Variants in XKR4 observed in about 807,000 individuals in gnomAD.
XKR4 encodes XK-related protein 4.
Under a neutral mutation model 53.9 loss-of-function variants are expected in XKR4, and 12 were observed. That is an observed-to-expected ratio of 0.22 (90% CI 0.14 to 0.36). XKR4 has a LOEUF of 0.36. XKR4 is among the 10% of genes least tolerant of loss of function. The pLI is 1.00. For synonymous variants in XKR4, 354 were observed against 362.4 expected, an observed-to-expected ratio of 0.98 and a Z score of 0.26; for missense variants, 799 against 859.5, an observed-to-expected ratio of 0.93 and a Z score of 0.88.
chr8:55,189,080 A>G (rs569325116), intron 1 of XKR4, among the ~76,000 whole-genome samples: 1 of 152,280 alleles, frequency 6.6e-6, no homozygotes, highest in East Asian at 1.9e-4. Flanking sequence ...GGAGTCTTGA[A>G]CTTCTCTCTC....
intron 1 of XKR4, among the ~76,000 whole-genome samples, chr8:55,294,723 T>C (rs1270447434): frequency 6.6e-6 from 1 of 152,234 alleles, no homozygotes; most frequent in African/African-American, 2.4e-5. Context: ...CAAATTTATT[T>C]GTCTAATATT....
chr8:55,332,142 C>A (rs1020134976), intron 1 of XKR4, among the ~76,000 whole-genome samples: 4 of 151,972 alleles, frequency 2.6e-5, no homozygotes, highest in Non-Finnish European at 2.9e-5. Flanking sequence ...ATAGGGATTA[C>A]ATATAACATC....
intron 2 of XKR4, among the ~76,000 whole-genome samples, chr8:55,391,884 A>G (rs191729057): frequency 2.4e-3 from 371 of 152,314 alleles, no homozygotes; most frequent in Non-Finnish European, 3.1e-3. Context: ...AAAAATAGAG[A>G]CGCAAAGAAG....
At chr8:55,458,514 C>T (rs979578533) in intron 2 of XKR4, among the ~76,000 whole-genome samples, 3 of 152,200 alleles carry the variant, frequency 2.0e-5, no homozygotes, top group East Asian at 1.9e-4. Context: ...GCCTTTTGCA[C>T]CCACACCTGG....
At chr8:55,413,701 T>C (rs961750407) in intron 2 of XKR4, among the ~76,000 whole-genome samples, 1 of 152,206 alleles carries the variant, frequency 6.6e-6, no homozygotes, top group Non-Finnish European at 1.5e-5. Flanking sequence ...ATGTGTATAA[T>C]AACCAGAGAG....
intron 2 of XKR4, among the ~76,000 whole-genome samples, chr8:55,415,494 G>A (rs187723983): frequency 1.1e-4 from 16 of 152,236 alleles, no homozygotes; most frequent in African/African-American, 3.1e-4. Flanking sequence ...TTCAGCAAGC[G>A]TTTATTGAGC....
chr8:55,141,677 G>C (rs1042109728), intron 1 of XKR4, among the ~76,000 whole-genome samples: 112 of 63,536 alleles, frequency 1.8e-3, no homozygotes, highest in South Asian at 4.5e-3. Flanking sequence ...CTCTCTGTGT[G>C]TGTGTGTGTG....
chr8:55,128,824 G>T (rs1816512723), intron 1 of XKR4, among the ~76,000 whole-genome samples: 1 of 149,042 alleles, frequency 6.7e-6, no homozygotes, highest in South Asian at 2.1e-4. Context: ...GGTAATCAAA[G>T]TGCAAATGGC....
At chr8:55,223,301 C>T (rs1817908232) in intron 1 of XKR4, among the ~76,000 whole-genome samples, 1 of 152,136 alleles carries the variant, frequency 6.6e-6, no homozygotes, top group Non-Finnish European at 1.5e-5. Context: ...CATGGAAGAC[C>T]TCTCTAGTAC....
chr8:55,296,733 GGACCAGAGGA>G (rs1006956900), intron 1 of XKR4, among the ~76,000 whole-genome samples: 3 of 152,094 alleles, frequency 2.0e-5, no homozygotes, highest in African/African-American at 7.2e-5. Flanking sequence ...AGACTATGCA[GGACCAGAGGA>G]GACCCTAAGA....
chr8:55,453,964 G>A, intron 2 of XKR4: 2 of 711,014 alleles, frequency 2.8e-6, no homozygotes, highest in East Asian at 3.2e-5. Flanking sequence ...GCCCACACTG[G>A]CCCAGGAAGG....
At chr8:55,258,070 A>T (rs1375590846) in intron 1 of XKR4, among the ~76,000 whole-genome samples, 1 of 152,214 alleles carries the variant, frequency 6.6e-6, no homozygotes, top group Non-Finnish European at 1.5e-5. Context: ...GCTGTGTCTC[A>T]GTTATGTTAC....
intron 2 of XKR4, among the ~76,000 whole-genome samples, chr8:55,504,251 C>T (rs201991901): frequency 2.0e-5 from 3 of 151,560 alleles, no homozygotes; most frequent in Non-Finnish European, 4.4e-5. Context: ...CTCACTCTGT[C>T]GCCCAGGCTG....
intron 2 of XKR4, chr8:55,454,875 C>A (rs548593883): frequency 2.6e-6 from 2 of 763,134 alleles, no homozygotes; most frequent in African/African-American, 1.7e-5. Context: ...ATCCTTAGCG[C>A]GTGTCGTTTC....
intron 1 of XKR4, among the ~76,000 whole-genome samples, chr8:55,357,062 T>C (rs1198950358): frequency 6.6e-6 from 1 of 152,232 alleles, no homozygotes; most frequent in Admixed American, 6.5e-5. Flanking sequence ...CAATCAACTA[T>C]AGGCTATTAG....
intron 1 of XKR4, among the ~76,000 whole-genome samples, chr8:55,210,298 G>A (rs988421520): frequency 6.6e-6 from 1 of 151,928 alleles, no homozygotes; most frequent in African/African-American, 2.4e-5. Context: ...TGCCCAGGCT[G>A]GTCTCGAACT....
intron 2 of XKR4, among the ~76,000 whole-genome samples, chr8:55,418,897 T>C (rs1563345319): frequency 6.6e-6 from 1 of 152,154 alleles, no homozygotes; most frequent in Non-Finnish European, 1.5e-5. Context: ...CTGCTTTTTT[T>C]TTTTTAATTA....
In XKR4 at chr8:55,532,165, TATGAG is replaced by T. The variant is rs1165422904; in HGVS notation, c.*7939_*7943del. 1 of 152,228 alleles carries T rather than the reference TATGAG, an allele frequency of 6.6e-6. No individual in the cohort carries two copies. The highest frequency in any genetic ancestry group is 1.5e-5 in the Non-Finnish European group (1 of 68,044). 9.4% of individuals were successfully genotyped at this position (152,228 alleles called of 1,614,324 possible). On this transcript the variant is annotated 3_prime_UTR_variant, in exon 3 of 3. Transcript: ENST00000327381. ...AGAGAGAAGAAAGTATATTAACTTTTATGAGTACAGAATAATTCAAGTTCCTTAGC... is the reference window on the plus strand; with the variant it reads ...AGAGAGAAGAAAGTATATTAACTTTTTACAGAATAATTCAAGTTCCTTAGC...
At chr8:55,242,736 C>G (rs1398886150) in intron 1 of XKR4, among the ~76,000 whole-genome samples, 1 of 151,920 alleles carries the variant, frequency 6.6e-6, no homozygotes, top group Non-Finnish European at 1.5e-5. Context: ...AGGCAGTTGG[C>G]AGGGAGCCGC....
Sources: allele counts gnomAD v4.1 joint callset (sites outside exome capture counted in the v4.1 genomes callset), GRCh38; gene constraint gnomAD v4.1.1; transcripts MANE v1.5; gene names NCBI Gene and HGNC (gene_info 2026-07-23, HGNC 2026-07-21).